PIWIL4: variants seen among roughly 807,000 people sequenced by gnomAD.
PIWIL4 encodes piwi like RNA-mediated gene silencing 4, also known as piwi-like protein 4.
In PIWIL4, 50 loss-of-function variants were observed where a neutral mutation model predicts 100.9. The ratio of observed to expected loss-of-function variants is 0.50; its 90% CI spans 0.39 to 0.63. PIWIL4 has a LOEUF of 0.63. Among genes scored for constraint, PIWIL4 ranks in the 20% least tolerant of loss-of-function variants. The pLI, the probability that PIWIL4 is intolerant of heterozygous loss-of-function variation, is 0.00. For synonymous variants in PIWIL4, 342 were observed against 367.5 expected (o/e 0.93, Z 0.79); for missense variants, 887 against 1,043.3 (o/e 0.85, Z 2.06).
intron 5 of PIWIL4, among the ~76,000 whole-genome samples, chr11:94,584,745 C>G (rs1948375213): frequency 6.6e-6 from 1 of 152,116 alleles, no homozygotes; most frequent in Non-Finnish European, 1.5e-5. Flanking sequence ...TTGGCAGTAC[C>G]TGGGGAGCCT....
At chr11:94,605,138 G>T (rs1332266832) in intron 13 of PIWIL4, among the ~76,000 whole-genome samples, 1 of 152,098 alleles carries the variant, frequency 6.6e-6, no homozygotes, top group Non-Finnish European at 1.5e-5. Context: ...TATAAACAAG[G>T]TCTCTATCTT....
intron 3 of PIWIL4, 130 bp from the exon 4 acceptor site, chr11:94,577,148 G>A (rs1045630325): frequency 1.4e-6 from 1 of 700,034 alleles, no homozygotes; most frequent in African/African-American, 1.8e-5. Flanking sequence ...TTTATCCTGT[G>A]TCACTGTGCA....
At chr11:94,598,062 T>C in intron 11 of PIWIL4, 147 bp downstream of exon 11, 1 of 618,958 alleles carries the variant, frequency 1.6e-6, no homozygotes, top group Non-Finnish European at 2.8e-6. Context: ...AGATCCCCTG[T>C]GGTTTCCTTT....
rs147845557 is a variant in PIWIL4 at position 94,575,017 on chromosome 11, C to T, written c.185C>T (p.Ser62Phe). The T allele has an allele frequency of 1.1e-4, 174 of 1,612,416 alleles. No individual in the cohort carries two copies. The highest frequency in any genetic ancestry group is 1.4e-4 in the Non-Finnish European group (161 of 1,178,758). The stretch of plus-strand genomic sequence containing the variant: ...GTTTTAGATAAATATGGGATATCTT[C>T]TGGTGATGCTGGAAGTACCTTCATG... ...ISTNDKYGISSGDAGSTFMER... is the reference protein window; with the variant it reads ...ISTNDKYGISFGDAGSTFMER... Residue 62 changes from serine to phenylalanine, a missense_variant, in exon 3 of 20, where the codon TCT becomes TTT. This residue lies in a region of PIWIL4 where 146 missense variants were observed against 113.4 expected (regional missense o/e 1.29). Coordinates refer to ENST00000299001, the MANE Select transcript of PIWIL4 (RefSeq NM_152431.3).
intron 7 of PIWIL4, 50 bp from the exon 8 acceptor site, chr11:94,589,071 C>A: frequency 7.4e-7 from 1 of 1,356,338 alleles, no homozygotes; most frequent in Non-Finnish European, 1.0e-6. Context: ...GAAGTAGCTG[C>A]TTATGTTAGA....
rs1283667020 is a variant in PIWIL4 at position 94,616,476 on chromosome 11, T to A, written c.1944-17T>A. Reference sequence around the variant, plus strand: ...ATTGAAGTTGAATTTTACTTTTATTTTTTTTTTTAACTTTAGGTGGTTTTC... The same window carrying A: ...ATTGAAGTTGAATTTTACTTTTATTATTTTTTTTAACTTTAGGTGGTTTTC... On this transcript the variant is annotated splice_polypyrimidine_tract_variant and intron_variant, in intron 15 of 19. Coordinates refer to ENST00000299001, the MANE Select transcript of PIWIL4 (RefSeq NM_152431.3). 7.6e-6 allele frequency: 12 copies of A among 1,575,642 alleles called. No individual in the cohort carries two copies. Among genetic ancestry groups the A allele is most frequent in the African/African-American group, 2.8e-5 (2 of 72,678 alleles).
At chr11:94,589,098 T>A in intron 7 of PIWIL4, 23 bp from the exon 8 acceptor site, 1 of 1,550,852 alleles carries the variant, frequency 6.4e-7, no homozygotes, top group Non-Finnish European at 8.9e-7. Context: ...AAAAACAATT[T>A]AAAGACTTTT....
At chr11:94,602,642 A>T (rs1948658662) in intron 12 of PIWIL4, among the ~76,000 whole-genome samples, 1 of 152,232 alleles carries the variant, frequency 6.6e-6, no homozygotes. Context: ...GCTTTAGAAA[A>T]GCCATAAAGT....
intron 8 of PIWIL4, among the ~76,000 whole-genome samples, chr11:94,592,690 T>A (rs534844392): frequency 1.6e-4 from 25 of 152,348 alleles, no homozygotes; most frequent in African/African-American, 6.0e-4. Context: ...ATAATTCCAG[T>A]TGTTCTGTCA....
chr11:94,589,226 C>T lies in PIWIL4; in HGVS notation c.1020C>T (p.Tyr340=), dbSNP rs139758117. ...DGTEITYVDY[Y]KQQYDITVSD... ...CCGAGATCACCTATGTGGATTACTA[C>T]AAGCAGGTAGGACTTTTCTTCATGC... Residue 340 remains tyrosine (Y), a synonymous_variant, in exon 8 of 20, where the codon TAC becomes TAT. Coordinates refer to ENST00000299001, the MANE Select transcript of PIWIL4 (RefSeq NM_152431.3). The T allele has an allele frequency of 6.1e-5, 98 of 1,594,922 alleles. No individual in the cohort carries two copies. In the South Asian group the frequency reaches 9.8e-4, roughly 16 times the overall value.
intron 19 of PIWIL4, among the ~76,000 whole-genome samples, chr11:94,620,636 G>C (rs1948895488): frequency 6.6e-6 from 1 of 152,176 alleles, no homozygotes; most frequent in African/African-American, 2.4e-5. Flanking sequence ...AGACTAGTCT[G>C]AAGTGTGATG....
chr11:94,615,621 T>G (rs1948837549), intron 15 of PIWIL4, among the ~76,000 whole-genome samples: 1 of 152,160 alleles, frequency 6.6e-6, no homozygotes, highest in Non-Finnish European at 1.5e-5. Context: ...TGTTGTTGTT[T>G]TTTACAAAAA....
intron 10 of PIWIL4, 45 bp from the exon 11 acceptor site, chr11:94,597,759 A>G (rs1165729414): frequency 1.0e-5 from 14 of 1,361,380 alleles, no homozygotes; most frequent in South Asian, 2.4e-5. Context: ...TCAGTAAGTT[A>G]TAATTATATC....
chr11:94,594,116 A>G (rs564877637), intron 9 of PIWIL4, among the ~76,000 whole-genome samples: 11 of 152,172 alleles, frequency 7.2e-5, no homozygotes, highest in African/African-American at 2.4e-4. Context: ...TACGTTTTGC[A>G]TTTGTGTGTT....
chr11:94,602,368 G>A (rs1948654458), intron 12 of PIWIL4, among the ~76,000 whole-genome samples: 1 of 152,106 alleles, frequency 6.6e-6, no homozygotes, highest in African/African-American at 2.4e-5. Context: ...TGCATGTCCT[G>A]ACTTTTACTT....
At position 94,568,771 on chromosome 11, in the gene PIWIL4, C is replaced by T. The variant is rs764082751; in HGVS notation, c.129C>T (p.Ser43=). 31 of 1,610,280 alleles carry T rather than the reference C, an allele frequency of 1.9e-5. No individual in the cohort carries two copies. The East Asian group carries it at 6.0e-4, about 31-fold the overall frequency. The change falls in exon 2 of 20, where the codon AGC becomes AGT. Residue 43 remains serine, a synonymous_variant. Coordinates refer to ENST00000299001, the MANE Select transcript of PIWIL4 (RefSeq NM_152431.3). ...TTAGTAACAATGAAGCATCCTCTAG[C>T]AATGGCTTCTTGGGAACAAGCAGGA... The part of the protein sequence containing the change: ...VDLSNNEASS[S]NGFLGTSRIS...
intron 6 of PIWIL4, among the ~76,000 whole-genome samples, chr11:94,586,551 G>A (rs1591785246): frequency 6.6e-6 from 1 of 152,084 alleles, no homozygotes; most frequent in South Asian, 2.1e-4. Flanking sequence ...CCTTTGAATT[G>A]GGGTGCTTTT....
Position 94,605,091 on chromosome 11 carries a change from T to G in PIWIL4, c.1638+1035T>G, listed in dbSNP as rs563548096. ...ATTTGAGCATAAGTTACAGGCATGA[T>G]GCCCCAGTGCCCTTGACTATTTCAG... is the stretch of plus-strand genomic sequence containing the variant. On this transcript the variant is annotated intron_variant, in intron 13 of 19. Transcript: ENST00000299001. Among the ~76,000 whole-genome samples the G allele has an allele frequency of 1.2e-4, 18 of 152,366 alleles. No individual in the cohort carries two copies. In the South Asian group the frequency reaches 3.3e-3, roughly 28 times the overall value.
intron 9 of PIWIL4, among the ~76,000 whole-genome samples, chr11:94,594,558 G>T (rs562958210): frequency 1.4e-3 from 214 of 151,796 alleles, no homozygotes; most frequent in Admixed American, 4.3e-3. Flanking sequence ...TTGAGATGGA[G>T]TTTCACTCTT....
Sources: allele counts gnomAD v4.1 joint callset (sites outside exome capture counted in the v4.1 genomes callset), GRCh38; gene constraint gnomAD v4.1.1; regional missense constraint gnomAD v4.1.1; transcripts MANE v1.5; gene names NCBI Gene and HGNC (gene_info 2026-07-23, HGNC 2026-07-21).